Variants in DSCAM observed in about 807,000 individuals in gnomAD.
DSCAM encodes DS cell adhesion molecule.
In DSCAM, 47 loss-of-function variants were observed where a neutral mutation model predicts 217.7. That is an observed-to-expected ratio of 0.22 (90% CI 0.17 to 0.28). The LOEUF is 0.28. Ranked by LOEUF, DSCAM falls within the 10% of genes least tolerant of loss-of-function variation. DSCAM has a pLI of 1.00. For synonymous variants in DSCAM, 1,056 were observed against 1,015.3 expected, an observed-to-expected ratio of 1.04 and a Z score of -0.76; for missense variants, 2,080 against 2,618.3, an observed-to-expected ratio of 0.79 and a Z score of 4.49.
intron 3 of DSCAM, among the ~76,000 whole-genome samples, chr21:40,670,495 G>A (rs1029729737): frequency 4.1e-4 from 56 of 135,904 alleles, no homozygotes; most frequent in African/African-American, 1.3e-3. Context: ...CCGAGATCGC[G>A]CCATTGCACT....
At chr21:40,516,888 CATATAT>C (rs55695954) in intron 3 of DSCAM, among the ~76,000 whole-genome samples, 5 of 143,470 alleles carry the variant, frequency 3.5e-5, no homozygotes, top group African/African-American at 1.0e-4. Flanking sequence ...ACACACACAC[CATATAT>C]ATATATATAT....
intron 1 of DSCAM, among the ~76,000 whole-genome samples, chr21:40,792,887 G>A (rs2091658341): frequency 6.6e-6 from 1 of 152,044 alleles, no homozygotes; most frequent in Non-Finnish European, 1.5e-5. Flanking sequence ...CCCAGCTGGT[G>A]TTTTCTTATT....
intron 20 of DSCAM, among the ~76,000 whole-genome samples, chr21:40,102,040 T>C (rs1350404895): frequency 1.3e-5 from 2 of 151,890 alleles, no homozygotes; most frequent in Non-Finnish European, 2.9e-5. Flanking sequence ...GTGTAGATTA[T>C]AAGGCAAGTT....
At chr21:40,203,382 A>C (rs532793073) in intron 11 of DSCAM, among the ~76,000 whole-genome samples, 1 of 152,362 alleles carries the variant, frequency 6.6e-6, no homozygotes, top group South Asian at 2.1e-4. Context: ...AACATGCTAG[A>C]AATGCACACT....
intron 1 of DSCAM, among the ~76,000 whole-genome samples, chr21:40,747,920 C>A (rs755986253): frequency 1.3e-5 from 2 of 151,788 alleles, no homozygotes; most frequent in African/African-American, 4.8e-5. Context: ...ATTCAACATA[C>A]ACAAATCAAT....
chr21:40,348,286 C>CAA (rs59041470), intron 5 of DSCAM, among the ~76,000 whole-genome samples: 13 of 58,040 alleles, frequency 2.2e-4, no homozygotes, highest in East Asian at 1.0e-3. Context: ...GCAATCATAC[C>CAA]CCAGAGAGTT....
intron 11 of DSCAM, among the ~76,000 whole-genome samples, chr21:40,215,859 T>C (rs2091237906): frequency 6.6e-6 from 1 of 151,692 alleles, no homozygotes; most frequent in Non-Finnish European, 1.5e-5. Context: ...GCTAAGTAGG[T>C]AGAACAAATC....
intron 3 of DSCAM, among the ~76,000 whole-genome samples, chr21:40,467,711 GAATT>G (rs1205470115): frequency 6.6e-6 from 1 of 151,880 alleles, no homozygotes; most frequent in Non-Finnish European, 1.5e-5. Flanking sequence ...ACTTATCTAA[GAATT>G]GATTAAAAAA....
At chr21:40,216,818 G>T (rs533855682) in intron 11 of DSCAM, among the ~76,000 whole-genome samples, 1 of 152,348 alleles carries the variant, frequency 6.6e-6, no homozygotes, top group African/African-American at 2.4e-5. Context: ...CCCTGGAGCT[G>T]CTGCCCTGTT....
chr21:40,813,626 ATTTC>A (rs566426132), intron 1 of DSCAM, among the ~76,000 whole-genome samples: 4 of 139,504 alleles, frequency 2.9e-5, no homozygotes, highest in African/African-American at 8.0e-5. Flanking sequence ...AGTTTTGAGG[ATTTC>A]TTTCTTTCTT....
chr21:40,169,036 T>C (rs182562984), intron 15 of DSCAM, among the ~76,000 whole-genome samples: 59 of 152,044 alleles, frequency 3.9e-4, no homozygotes, highest in Admixed American at 1.4e-3. Context: ...GGGAAGCAAA[T>C]GGGAGAAATT....
intron 3 of DSCAM, among the ~76,000 whole-genome samples, chr21:40,416,802 G>T (rs773984000): frequency 9.2e-5 from 14 of 152,140 alleles, no homozygotes; most frequent in Non-Finnish European, 1.9e-4. Flanking sequence ...AGAGCAAGAT[G>T]ATTTCAGAAT....
chr21:40,367,416 T>C (rs1360298449), intron 4 of DSCAM, among the ~76,000 whole-genome samples: 3 of 152,148 alleles, frequency 2.0e-5, no homozygotes, highest in Non-Finnish European at 2.9e-5. Flanking sequence ...GAGTTTGGGG[T>C]CAAACACCAA....
intron 1 of DSCAM, among the ~76,000 whole-genome samples, chr21:40,813,299 T>C (rs1312112131): frequency 6.6e-6 from 1 of 152,182 alleles, no homozygotes; most frequent in Admixed American, 6.5e-5. Flanking sequence ...AGACCACACA[T>C]ATGTTGATTA....
At chr21:40,527,990 A>G (rs1422942351) in intron 3 of DSCAM, among the ~76,000 whole-genome samples, 1 of 152,196 alleles carries the variant, frequency 6.6e-6, no homozygotes, top group African/African-American at 2.4e-5. Flanking sequence ...GCTGCCATCC[A>G]TCATCTCTGT....
chr21:40,654,751 C>T (rs2090054634), intron 3 of DSCAM, among the ~76,000 whole-genome samples: 1 of 152,158 alleles, frequency 6.6e-6, no homozygotes. Flanking sequence ...CTGACTTTCA[C>T]TTATAATGAC....
At chr21:40,813,401 G>T (rs1207758294) in intron 1 of DSCAM, among the ~76,000 whole-genome samples, 1 of 152,082 alleles carries the variant, frequency 6.6e-6, no homozygotes. Flanking sequence ...ACATTAGATT[G>T]TCTATTTGGC....
chr21:40,410,298 C>A (rs549806500), intron 3 of DSCAM, among the ~76,000 whole-genome samples: 2 of 151,964 alleles, frequency 1.3e-5, no homozygotes, highest in South Asian at 4.2e-4. Flanking sequence ...ATAGAAACTA[C>A]ACAAAATGAA....
At chr21:40,312,477 A>G in intron 8 of DSCAM, 118 bp from the exon 9 acceptor site, 2 of 1,152,994 alleles carry the variant, frequency 1.7e-6, no homozygotes, top group Non-Finnish European at 2.3e-6. Flanking sequence ...GCATAGAAAT[A>G]CAGGAACTGT....
Sources: gnomAD v4.1 joint callset for allele counts (sites outside exome capture counted in the v4.1 genomes callset) on GRCh38, gnomAD v4.1.1 for gene constraint, MANE v1.5 for transcripts, NCBI Gene and HGNC (gene_info 2026-07-23, HGNC 2026-07-21) for gene names.